The following EBF2 variants were observed in gnomAD, a reference collection of about 807,000 sequenced individuals.
The protein encoded by EBF2 is EBF transcription factor 2.
In EBF2, 21 loss-of-function variants were observed where a neutral mutation model predicts 72.8. The observed-to-expected ratio is 0.29, with a 90% CI of 0.20 to 0.42. The LOEUF is 0.42. Ranked by LOEUF, EBF2 falls within the 10% of genes least tolerant of loss-of-function variation. The pLI, the probability that EBF2 is intolerant of heterozygous loss-of-function variation, is 1.00. For missense variants in EBF2, 637 were observed against 731.2 expected (o/e 0.87, Z 1.49); for synonymous variants, 299 against 274.2 (o/e 1.09, Z -0.89).
At chr8:25,889,911 A>C in intron 7 of EBF2, 42 bp from the exon 8 acceptor site, 1 of 1,556,498 alleles carries the variant, frequency 6.4e-7, no homozygotes, top group Non-Finnish European at 8.9e-7. Context: ...GTGCAGTGGA[A>C]TTAGTTTCAC....
At chr8:25,914,814 A>C (rs1183008769) in intron 6 of EBF2, among the ~76,000 whole-genome samples, 1 of 152,220 alleles carries the variant, frequency 6.6e-6, no homozygotes, top group Non-Finnish European at 1.5e-5. Flanking sequence ...AAATAAACAC[A>C]TGAACAGAAG....
chr8:25,854,460 T>C (rs1366614037), intron 14 of EBF2, among the ~76,000 whole-genome samples: 2 of 152,192 alleles, frequency 1.3e-5, no homozygotes, highest in African/African-American at 2.4e-5. Flanking sequence ...ATTGATCTTA[T>C]GGCAGAATCT....
chr8:26,020,518 C>T (rs566065513), intron 6 of EBF2, among the ~76,000 whole-genome samples: 1 of 152,310 alleles, frequency 6.6e-6, no homozygotes, highest in African/African-American at 2.4e-5. Flanking sequence ...AAATGTTTCT[C>T]ATTGCCTGAG....
intron 6 of EBF2, among the ~76,000 whole-genome samples, chr8:25,930,225 C>T (rs1308232467): frequency 2.6e-5 from 4 of 152,104 alleles, no homozygotes; most frequent in African/African-American, 4.8e-5. Context: ...CTATCTCCTT[C>T]GCAACTAAAT....
At chr8:26,037,392 T>C (rs1459618536) in intron 5 of EBF2, among the ~76,000 whole-genome samples, 1 of 152,210 alleles carries the variant, frequency 6.6e-6, no homozygotes, top group Admixed American at 6.5e-5. Context: ...CCTTCAACTT[T>C]CAAAAATCTG....
At chr8:26,042,312 C>G (rs925268326) in intron 1 of EBF2, 61 bp from the exon 2 acceptor site, 93 of 1,552,382 alleles carry the variant, frequency 6.0e-5, no homozygotes, top group Admixed American at 1.9e-4. Flanking sequence ...GGCGATGTTA[C>G]TAACCGCCCA....
intron 12 of EBF2, 31 bp from the exon 13 acceptor site, chr8:25,861,257 T>C (rs764866153): frequency 1.2e-6 from 2 of 1,613,648 alleles, no homozygotes; most frequent in South Asian, 1.1e-5. Context: ...GTGAGCATTC[T>C]ATCCAGCATA....
chr8:25,942,819 G>A (rs1803699571), intron 6 of EBF2, among the ~76,000 whole-genome samples: 1 of 152,052 alleles, frequency 6.6e-6, no homozygotes, highest in Non-Finnish European at 1.5e-5. Flanking sequence ...CTCCTTCCTT[G>A]GCACCATAGA....
intron 7 of EBF2, among the ~76,000 whole-genome samples, chr8:25,906,101 T>G (rs1803026984): frequency 6.6e-6 from 1 of 152,238 alleles, no homozygotes; most frequent in Non-Finnish European, 1.5e-5. Context: ...AGCATGCATT[T>G]GCTTTGTGAA....
intron 6 of EBF2, among the ~76,000 whole-genome samples, chr8:25,938,832 G>A (rs1803623062): frequency 6.6e-6 from 1 of 152,070 alleles, no homozygotes; most frequent in South Asian, 2.1e-4. Flanking sequence ...GCTGGTATTG[G>A]GAGAAGGACA....
chr8:26,039,898 C>A, intron 5 of EBF2, 130 bp downstream of exon 5: 1 of 871,500 alleles, frequency 1.1e-6, no homozygotes, highest in South Asian at 1.5e-5. Flanking sequence ...ACTCTGCGCC[C>A]GTCTGCCCGC....
intron 14 of EBF2, among the ~76,000 whole-genome samples, chr8:25,857,686 A>G (rs1453382634): frequency 2.6e-5 from 4 of 152,178 alleles, no homozygotes; most frequent in African/African-American, 9.7e-5. Flanking sequence ...TTGCTGCTAG[A>G]CCACAGATTA....
intron 15 of EBF2, among the ~76,000 whole-genome samples, chr8:25,848,817 T>G (rs17054470): frequency 0.032 from 4,837 of 152,272 alleles, 256 homozygotes; most frequent in African/African-American, 0.11. Flanking sequence ...AATCTGCATT[T>G]TGCCAGTAAG....
At chr8:25,917,213 T>TTC (rs397835694) in intron 6 of EBF2, among the ~76,000 whole-genome samples, 2 of 150,346 alleles carry the variant, frequency 1.3e-5, no homozygotes, top group African/African-American at 4.9e-5. Context: ...TTTTTTTTTT[T>TTC]ATCCCCCCTT....
chr8:25,866,490 TAA>T (rs1491542112), intron 10 of EBF2, among the ~76,000 whole-genome samples: 1 of 133,582 alleles, frequency 7.5e-6, no homozygotes, highest in Non-Finnish European at 1.6e-5. Context: ...TAAAAATATA[TAA>T]TATATATAAT....
rs146662603 is a variant in EBF2 at position 25,903,962 on chromosome 8, C to T, written c.633+4512G>A. On this transcript the variant is annotated intron_variant, in intron 7 of 15. Coordinates refer to ENST00000520164, the MANE Select transcript of EBF2 (RefSeq NM_022659.4). The stretch of plus-strand genomic sequence containing the variant: ...CTGAGAATATGGATACAGAAATCAT[C>T]CAGGAACAGAGAGCATTTGAAGCCA... Among the ~76,000 whole-genome samples, 456 of 152,186 alleles carry T rather than the reference C, an allele frequency of 3.0e-3. 2 individuals are homozygous for T. Among genetic ancestry groups the T allele is most frequent in the Middle Eastern group, 0.014 (4 of 294 alleles).
intron 6 of EBF2, among the ~76,000 whole-genome samples, chr8:26,003,411 C>A (rs1433432082): frequency 1.3e-5 from 2 of 152,108 alleles, no homozygotes; most frequent in Non-Finnish European, 2.9e-5. Flanking sequence ...ACTCCCAACC[C>A]TCTCCCCAAA....
At chr8:26,006,751 A>G (rs1244303211) in intron 6 of EBF2, among the ~76,000 whole-genome samples, 1 of 152,102 alleles carries the variant, frequency 6.6e-6, no homozygotes, top group Non-Finnish European at 1.5e-5. Context: ...CCTCCTTTTT[A>G]AGAGACTGGA....
At chr8:25,900,974 G>A (rs940430783) in intron 7 of EBF2, among the ~76,000 whole-genome samples, 4 of 152,018 alleles carry the variant, frequency 2.6e-5, no homozygotes, top group African/African-American at 9.7e-5. Context: ...GAGAGAACTT[G>A]CAATATTCCC....
Sources: gnomAD v4.1 joint callset for allele counts (sites outside exome capture counted in the v4.1 genomes callset) on GRCh38, gnomAD v4.1.1 for gene constraint, MANE v1.5 for transcripts, NCBI Gene and HGNC (gene_info 2026-07-23, HGNC 2026-07-21) for gene names.